GRM7: variants seen among roughly 807,000 people sequenced by gnomAD.
GRM7 encodes the protein metabotropic glutamate receptor 7.
GRM7 carries 35 observed loss-of-function variants against 84.5 expected under a neutral mutation model. The observed-to-expected ratio is 0.41, with a 90% confidence interval of 0.32 to 0.55. The LOEUF (loss-of-function observed/expected upper bound fraction) is 0.55, where lower values mean the gene tolerates loss of function less well. Among genes scored for constraint, GRM7 ranks in the 20% least tolerant of loss-of-function variants. GRM7 has a pLI of 0.19. For synonymous variants in GRM7, 487 were observed against 455.1 expected, an observed-to-expected ratio of 1.07 and a Z score of -0.89; for missense variants, 1,003 against 1,194.6, an observed-to-expected ratio of 0.84 and a Z score of 2.36.
At chr3:6,926,819 G>T (rs1697314818) in intron 1 of GRM7, among the ~76,000 whole-genome samples, 1 of 152,186 alleles carries the variant, frequency 6.6e-6, no homozygotes, top group Admixed American at 6.5e-5. Flanking sequence ...AGGCCTTAAT[G>T]TTGGTTCCAT....
In GRM7 at chr3:7,194,476, G is replaced by A. The variant is rs866933283; in HGVS notation, c.736+47808G>A. 6.6e-5 allele frequency among the ~76,000 whole-genome samples: 10 copies of A among 152,088 alleles called. No individual in the cohort carries two copies. The South Asian group carries it at 1.0e-3, about 16-fold the overall frequency. On this transcript the variant is annotated intron_variant, in intron 2 of 9. Coordinates refer to ENST00000357716, the MANE Select transcript of GRM7 (RefSeq NM_000844.4). ...TATTCCTCCTACAGTTTAAGTCCTC[G>A]GAGTTTTGGAATATTTTAAATCCTT...
chr3:6,909,689 A>G (rs1696700672), intron 1 of GRM7, among the ~76,000 whole-genome samples: 1 of 151,702 alleles, frequency 6.6e-6, no homozygotes, highest in South Asian at 2.1e-4. Context: ...CATTACAGTA[A>G]TTACCCCAGT....
chr3:7,316,648 A>C (rs1165006843), intron 4 of GRM7, among the ~76,000 whole-genome samples: 1 of 152,174 alleles, frequency 6.6e-6, no homozygotes, highest in Admixed American at 6.5e-5. Context: ...GGAGAATACT[A>C]TCATTAGAGC....
At chr3:7,242,760 C>A (rs1454432743) in intron 2 of GRM7, among the ~76,000 whole-genome samples, 4 of 152,026 alleles carry the variant, frequency 2.6e-5, no homozygotes, top group African/African-American at 7.2e-5. Flanking sequence ...ATCTATAGTG[C>A]CTCTGATCTA....
At chr3:7,116,251 C>T (rs2125039417) in intron 1 of GRM7, among the ~76,000 whole-genome samples, 2 of 152,220 alleles carry the variant, frequency 1.3e-5, no homozygotes, top group Admixed American at 1.3e-4. Flanking sequence ...CATTTCTCTC[C>T]AGGCATTACT....
At chr3:7,040,721 G>A (rs539488405) in intron 1 of GRM7, among the ~76,000 whole-genome samples, 14 of 152,162 alleles carry the variant, frequency 9.2e-5, no homozygotes, top group Admixed American at 3.3e-4. Flanking sequence ...CCTTGCTGGA[G>A]AGCATGTTAG....
intron 4 of GRM7, among the ~76,000 whole-genome samples, chr3:7,410,272 T>C (rs1202808980): frequency 1.3e-5 from 2 of 152,114 alleles, no homozygotes; most frequent in East Asian, 3.9e-4. Flanking sequence ...TTGAAGCTGA[T>C]TTTAAAAGTA....
chr3:7,452,922 A>G (rs1697836017), intron 6 of GRM7, 115 bp downstream of exon 6: 6 of 664,180 alleles, frequency 9.0e-6, no homozygotes, highest in Non-Finnish European at 1.6e-5. Context: ...TTGCTTGATT[A>G]TAAAACTTTA....
intron 8 of GRM7, among the ~76,000 whole-genome samples, chr3:7,591,921 G>A (rs1695799661): frequency 6.6e-6 from 1 of 152,056 alleles, no homozygotes; most frequent in South Asian, 2.1e-4. Context: ...TAATGCTCTG[G>A]GATACGGACA....
At chr3:7,183,690 T>A (rs1271858298) in intron 2 of GRM7, among the ~76,000 whole-genome samples, 2 of 152,180 alleles carry the variant, frequency 1.3e-5, no homozygotes, top group Non-Finnish European at 2.9e-5. Context: ...GCTCTTTTCA[T>A]GAGTCTGGCA....
chr3:6,933,421 C>G (rs1697578302), intron 1 of GRM7, among the ~76,000 whole-genome samples: 1 of 152,014 alleles, frequency 6.6e-6, no homozygotes. Context: ...TACATAGAAG[C>G]AGAAACAGTA....
chr3:7,019,959 C>T (rs970918065), intron 1 of GRM7, among the ~76,000 whole-genome samples: 3 of 152,080 alleles, frequency 2.0e-5, no homozygotes, highest in Non-Finnish European at 4.4e-5. Flanking sequence ...GGCTGAAGTC[C>T]GCAAAGGAAA....
At chr3:7,185,565 T>A (rs1253393591) in intron 2 of GRM7, among the ~76,000 whole-genome samples, 1 of 152,240 alleles carries the variant, frequency 6.6e-6, no homozygotes, top group African/African-American at 2.4e-5. Flanking sequence ...GGTGAGCCTA[T>A]TAGAAAGTAG....
At chr3:6,872,372 A>T (rs143869035) in intron 1 of GRM7, among the ~76,000 whole-genome samples, 1 of 152,188 alleles carries the variant, frequency 6.6e-6, no homozygotes, top group Non-Finnish European at 1.5e-5. Flanking sequence ...TCTTACTCTC[A>T]GTCTTGCTCT....
chr3:6,899,465 A>G (rs2125000913), intron 1 of GRM7, among the ~76,000 whole-genome samples: 1 of 152,276 alleles, frequency 6.6e-6, no homozygotes, highest in Non-Finnish European at 1.5e-5. Flanking sequence ...TAATAATAGT[A>G]TTAGTGTGAT....
At chr3:7,168,434 G>A (rs2125085919) in intron 2 of GRM7, among the ~76,000 whole-genome samples, 1 of 152,124 alleles carries the variant, frequency 6.6e-6, no homozygotes, top group Middle Eastern at 3.4e-3. Context: ...GACATGAATG[G>A]CCTGATAACA....
At chr3:7,176,020 T>C (rs766656128) in intron 2 of GRM7, among the ~76,000 whole-genome samples, 1 of 152,008 alleles carries the variant, frequency 6.6e-6, no homozygotes, top group Non-Finnish European at 1.5e-5. Context: ...TTACATACAA[T>C]AGTTTCATGT....
At chr3:7,447,018 A>G (rs1697545573) in intron 5 of GRM7, among the ~76,000 whole-genome samples, 1 of 150,530 alleles carries the variant, frequency 6.6e-6, no homozygotes, top group Admixed American at 6.7e-5. Flanking sequence ...GAAGGTTAAA[A>G]GAGTGTGCCT....
chr3:7,106,243 A>G (rs1692635762), intron 1 of GRM7, among the ~76,000 whole-genome samples: 1 of 151,100 alleles, frequency 6.6e-6, no homozygotes, highest in African/African-American at 2.4e-5. Flanking sequence ...TGAAAAGGTC[A>G]GGAACAACTT....
Sources: allele counts gnomAD v4.1 joint callset (sites outside exome capture counted in the v4.1 genomes callset), GRCh38; gene constraint gnomAD v4.1.1; transcripts MANE v1.5; gene names NCBI Gene and HGNC (gene_info 2026-07-23, HGNC 2026-07-21).